IPCEF1: variants seen among roughly 807,000 people sequenced by gnomAD.
The protein encoded by IPCEF1 is interaction protein for cytohesin exchange factors 1.
Under a neutral mutation model 50.9 loss-of-function variants are expected in IPCEF1, and 31 were observed. The observed-to-expected ratio is 0.61, with a 90% CI of 0.46 to 0.82. IPCEF1 has a LOEUF of 0.82. Among genes scored for constraint, IPCEF1 ranks in the 40% least tolerant of loss-of-function variants. The pLI, the probability that IPCEF1 is intolerant of heterozygous loss-of-function variation, is 0.00. For synonymous variants in IPCEF1, 181 were observed against 192.0 expected, an observed-to-expected ratio of 0.94 and a Z score of 0.47; for missense variants, 458 against 514.0, an observed-to-expected ratio of 0.89 and a Z score of 1.05.
At chr6:154,229,477 G>A (rs1289942608) in intron 5 of IPCEF1, among the ~76,000 whole-genome samples, 49 of 150,668 alleles carry the variant, frequency 3.3e-4, no homozygotes. Flanking sequence ...AGCCTCCCGA[G>A]TAGCTGGGAC....
chr6:154,297,296 T>A (rs1782689469), intron 1 of IPCEF1, among the ~76,000 whole-genome samples: 3 of 152,096 alleles, frequency 2.0e-5, no homozygotes, highest in Non-Finnish European at 4.4e-5. Flanking sequence ...CACCTCAGCC[T>A]CCCAAAGTGC....
chr6:154,224,378 T>C (rs551786461), intron 5 of IPCEF1, among the ~76,000 whole-genome samples: 7 of 152,278 alleles, frequency 4.6e-5, no homozygotes, highest in African/African-American at 1.4e-4. Flanking sequence ...TCAACTTATC[T>C]AAATTATTCA....
At chr6:154,264,402 A>C (rs1781699536) in intron 3 of IPCEF1, among the ~76,000 whole-genome samples, 1 of 151,868 alleles carries the variant, frequency 6.6e-6, no homozygotes. Context: ...GAGATGGAGT[A>C]ACCCTTTGTT....
At chr6:154,255,781 T>C (rs1208130029) in intron 3 of IPCEF1, among the ~76,000 whole-genome samples, 1 of 152,194 alleles carries the variant, frequency 6.6e-6, no homozygotes, top group African/African-American at 2.4e-5. Context: ...TAATACTCTT[T>C]TTTGAAAGTG....
In IPCEF1 at chr6:154,298,963, A is replaced by C. The variant is rs535155693; in HGVS notation, c.-61-9207T>G. 2.4e-4 allele frequency among the ~76,000 whole-genome samples: 23 copies of C among 94,572 alleles called. 4 individuals carry two copies. In the South Asian group the frequency reaches 6.6e-3, roughly 27 times the overall value. 62.0% of individuals were successfully genotyped at this position (94,572 alleles called of 152,430 possible). A position where few individuals can be genotyped will look rare whatever the true frequency, so the allele number is the denominator to read the frequency against. ...GGCAACAAGAGCGAAACTCCATCTC[A>C]AAAAAAAAAAAAAGATTACCAATAT... On this transcript the variant is annotated intron_variant, in intron 1 of 11. Coordinates refer to ENST00000367220, the MANE Select transcript of IPCEF1 (RefSeq NM_001130700.2).
intron 9 of IPCEF1, among the ~76,000 whole-genome samples, chr6:154,211,960 C>A: frequency 6.6e-6 from 1 of 152,156 alleles, no homozygotes; most frequent in South Asian, 2.1e-4. Flanking sequence ...TAATGGCTAA[C>A]AAACATGAGA....
In IPCEF1 at chr6:154,216,105, C is replaced by G. The variant is rs183779450; in HGVS notation, c.393-1829G>C. On this transcript the variant is annotated intron_variant, in intron 7 of 11. Coordinates refer to ENST00000367220, the MANE Select transcript of IPCEF1 (RefSeq NM_001130700.2). ...AATTTAAATATCCATCCCCTTCACC[C>G]AACAATTCCAATCATAAATATCAAT... Among the ~76,000 whole-genome samples, 1,210 of 152,210 alleles carry G rather than the reference C, an allele frequency of 7.9e-3. 11 individuals are homozygous for G. Among genetic ancestry groups the G allele is most frequent in the Non-Finnish European group, 8.5e-3 (578 of 68,006 alleles).
chr6:154,249,027 T>C (rs1446995934), intron 3 of IPCEF1, among the ~76,000 whole-genome samples: 1 of 152,178 alleles, frequency 6.6e-6, no homozygotes, highest in African/African-American at 2.4e-5. Flanking sequence ...AATATTGCAC[T>C]GACATTTCAT....
At chr6:154,303,705 T>C (rs761212522) in intron 1 of IPCEF1, among the ~76,000 whole-genome samples, 15 of 152,150 alleles carry the variant, frequency 9.9e-5, no homozygotes, top group Non-Finnish European at 1.5e-4. Flanking sequence ...GAGGATTGCT[T>C]GAGTCCAGGA....
At chr6:154,212,667 C>T in intron 9 of IPCEF1, 103 bp downstream of exon 9, 1 of 734,958 alleles carries the variant, frequency 1.4e-6, no homozygotes, top group Non-Finnish European at 2.3e-6. Context: ...TTAATTTAGC[C>T]CATTCTAAAA....
At chr6:154,217,433 G>A (rs813752) in intron 7 of IPCEF1, 65,426 of 133,436 alleles carry the variant, frequency 0.49, 14,916 homozygotes, top group Admixed American at 0.58. Flanking sequence ...GCTGCATGGA[G>A]AAAAAAAAAA....
At chr6:154,302,297 G>C (rs941867689) in intron 1 of IPCEF1, among the ~76,000 whole-genome samples, 1 of 152,182 alleles carries the variant, frequency 6.6e-6, no homozygotes, top group Non-Finnish European at 1.5e-5. Context: ...CACTTCGAGA[G>C]GCAGCAAAAC....
intron 10 of IPCEF1, among the ~76,000 whole-genome samples, chr6:154,187,837 T>G (rs1362371000): frequency 6.6e-6 from 1 of 152,246 alleles, no homozygotes; most frequent in African/African-American, 2.4e-5. Context: ...GGTATTTTTC[T>G]TCTTCCATAA....
intron 2 of IPCEF1, among the ~76,000 whole-genome samples, chr6:154,277,764 A>AT (rs1483845704): frequency 6.6e-6 from 1 of 151,906 alleles, no homozygotes; most frequent in Admixed American, 6.6e-5. Context: ...ATGTGGGCTT[A>AT]TTTTTTTGTT....
intron 9 of IPCEF1, among the ~76,000 whole-genome samples, chr6:154,205,053 C>T (rs1754507926): frequency 6.6e-6 from 1 of 152,166 alleles, no homozygotes; most frequent in South Asian, 2.1e-4. Context: ...ACTGAAATAT[C>T]ACTTCTTCCA....
At chr6:154,270,995 A>AAACC (rs1562574018) in intron 2 of IPCEF1, among the ~76,000 whole-genome samples, 1 of 152,058 alleles carries the variant, frequency 6.6e-6, no homozygotes, top group Non-Finnish European at 1.5e-5. Context: ...ACAAACAAAC[A>AAACC]AACCAAAAAA....
intron 1 of IPCEF1, among the ~76,000 whole-genome samples, chr6:154,290,652 T>C (rs1782489992): frequency 6.6e-6 from 1 of 152,158 alleles, no homozygotes; most frequent in Admixed American, 6.6e-5. Context: ...TCTCAAAATA[T>C]GAAAACAAAA....
intron 10 of IPCEF1, among the ~76,000 whole-genome samples, chr6:154,171,939 G>C (rs1799905327): frequency 6.6e-6 from 1 of 152,104 alleles, no homozygotes; most frequent in African/African-American, 2.4e-5. Flanking sequence ...CAGTATTTTT[G>C]AATTAAGGAA....
chr6:154,258,985 C>T (rs1036716728), intron 3 of IPCEF1, among the ~76,000 whole-genome samples: 1 of 152,148 alleles, frequency 6.6e-6, no homozygotes. Flanking sequence ...AGCATGATGC[C>T]TTCCTATGTG....
Sources: gnomAD v4.1 joint callset for allele counts (sites outside exome capture counted in the v4.1 genomes callset) on GRCh38, gnomAD v4.1.1 for gene constraint, MANE v1.5 for transcripts, NCBI Gene and HGNC (gene_info 2026-07-23, HGNC 2026-07-21) for gene names.